AGBL1: variants seen among roughly 807,000 people sequenced by gnomAD.
The protein encoded by AGBL1 is cytosolic carboxypeptidase 4.
Under a neutral mutation model 118.9 loss-of-function variants are expected in AGBL1, and 130 were observed. The observed-to-expected ratio is 1.09, with a 90% confidence interval of 0.95 to 1.26. AGBL1 has a LOEUF of 1.26. Among genes scored for constraint, AGBL1 ranks in the 50% most tolerant of loss-of-function variants. The probability of loss-of-function intolerance (pLI) is 0.00; values close to 1 mark genes in which losing one functional copy is unlikely to be tolerated. For synonymous variants in AGBL1, 555 were observed against 478.9 expected (o/e 1.16, Z -2.08); for missense variants, 1,584 against 1,298.1 (o/e 1.22, Z -3.38).
At chr15:86,421,638 T>A (rs1478909968) in intron 18 of AGBL1, among the ~76,000 whole-genome samples, 3 of 152,132 alleles carry the variant, frequency 2.0e-5, no homozygotes, top group Non-Finnish European at 4.4e-5. Context: ...AATGCCCCAA[T>A]TAAAAGACAA....
intron 23 of AGBL1, among the ~76,000 whole-genome samples, chr15:86,951,502 G>A (rs1363823379): frequency 1.3e-5 from 2 of 152,194 alleles, no homozygotes; most frequent in African/African-American, 4.8e-5. Flanking sequence ...GTAACAAAGT[G>A]CAGCTGTACA....
downstream of AGBL1, among the ~76,000 whole-genome samples, chr15:86,920,801 A>C (rs780396247): frequency 2.0e-5 from 3 of 152,204 alleles, no homozygotes; most frequent in Admixed American, 6.5e-5. Context: ...CTCCAGGTTT[A>C]TGCCAGATTT....
chr15:86,219,454 A>G (rs1326830758), intron 5 of AGBL1, among the ~76,000 whole-genome samples: 1 of 152,144 alleles, frequency 6.6e-6, no homozygotes, highest in African/African-American at 2.4e-5. Flanking sequence ...TAGATCTTAT[A>G]CCCACTTTAT....
chr15:86,978,882 G>A (rs1413488311), intron 23 of AGBL1, among the ~76,000 whole-genome samples: 3 of 152,176 alleles, frequency 2.0e-5, no homozygotes, highest in African/African-American at 7.2e-5. Context: ...TCCAGTCAGG[G>A]GGAACCCATA....
chr15:86,865,838 C>G (rs183999706), intron 22 of AGBL1, among the ~76,000 whole-genome samples: 1 of 152,192 alleles, frequency 6.6e-6, no homozygotes, highest in Non-Finnish European at 1.5e-5. Flanking sequence ...TTCTCTGCAG[C>G]TTTGGGATGA....
At chr15:86,455,806 A>AT (rs1381821653) in intron 18 of AGBL1, among the ~76,000 whole-genome samples, 6 of 152,024 alleles carry the variant, frequency 3.9e-5, no homozygotes, top group African/African-American at 9.7e-5. Context: ...GAGTTCATGC[A>AT]TTTTTTCCCC....
chr15:86,773,145 C>A (rs1424313959), intron 22 of AGBL1, among the ~76,000 whole-genome samples: 3 of 152,000 alleles, frequency 2.0e-5, no homozygotes, highest in African/African-American at 7.2e-5. Context: ...TGAGTATATA[C>A]ATTGTGTTAG....
intron 22 of AGBL1, among the ~76,000 whole-genome samples, chr15:86,845,482 A>G (rs2079305461): frequency 6.6e-6 from 1 of 152,032 alleles, no homozygotes. Flanking sequence ...CCTTTTTTTA[A>G]TGCTTTGCCC....
chr15:86,441,505 C>T lies in AGBL1; in HGVS notation c.2555+43959C>T, dbSNP rs561476267. Among the ~76,000 whole-genome samples, 19 of 152,204 alleles carry T rather than the reference C, an allele frequency of 1.2e-4. No homozygotes were observed. The East Asian group carries it at 1.5e-3, about 12-fold the overall frequency. On this transcript the variant is annotated intron_variant, in intron 18 of 22. Coordinates refer to ENST00000614907, the MANE Select transcript of AGBL1 (RefSeq NM_001386094.1). ...AAATGACTTTGAGAACCATCGAAGA[C>T]GGTGTGAGAGTAGGGGTGCCAATGA...
rs576498318 is a variant in AGBL1, at chr15:86,976,225, T to C, written c.3222-11762T>C. On this transcript the variant is annotated intron_variant, in intron 23 of 24. Coordinates refer to the AGBL1 transcript ENST00000441037. ...GAAATTATAATTTATTCTAGTAATA[T>C]ATATGCTTATATATCTGTAGTATAT... 4.1e-3 allele frequency among the ~76,000 whole-genome samples: 613 copies of C among 150,482 alleles called. 10 individuals are homozygous for C. The highest frequency in any genetic ancestry group is 0.014 in the African/African-American group (579 of 41,270).
At chr15:86,899,480 A>C (rs1304360283) in intron 22 of AGBL1, among the ~76,000 whole-genome samples, 1 of 152,170 alleles carries the variant, frequency 6.6e-6, no homozygotes, top group Non-Finnish European at 1.5e-5. Flanking sequence ...ACGAACCCCC[A>C]TGACACAAGT....
intron 15 of AGBL1, among the ~76,000 whole-genome samples, chr15:86,273,168 C>T (rs976778052): frequency 6.6e-6 from 1 of 152,094 alleles, no homozygotes; most frequent in African/African-American, 2.4e-5. Flanking sequence ...GGATGCTCCT[C>T]TTGGAATTGG....
In AGBL1 at chr15:86,152,926, G is replaced by T. The variant is rs910188240; in HGVS notation, c.263-1504G>T. ...GTGAAGAAAATGCTCATCATCACTG[G>T]TCATCAGAGAAATGCAAATCAAAAC... On this transcript the variant is annotated intron_variant, in intron 3 of 22. Transcript: ENST00000614907. Among the ~76,000 whole-genome samples the T allele has an allele frequency of 2.6e-5, 4 of 152,192 alleles. 1 individual carries two copies. The highest frequency in any genetic ancestry group is 6.3e-3 in the Middle Eastern group (2 of 316).
intron 18 of AGBL1, among the ~76,000 whole-genome samples, chr15:86,420,919 G>T (rs1312232832): frequency 6.6e-6 from 1 of 152,112 alleles, no homozygotes. Context: ...AAAAAAGAAT[G>T]AAAAGGAGTG....
At chr15:86,530,190 C>T (rs1268623844) in intron 19 of AGBL1, among the ~76,000 whole-genome samples, 2 of 141,670 alleles carry the variant, frequency 1.4e-5, no homozygotes, top group Admixed American at 1.3e-4. Flanking sequence ...CAAGACCCAT[C>T]AGTGTGGTGT....
chr15:86,401,489 T>C (rs1183591833), intron 18 of AGBL1, among the ~76,000 whole-genome samples: 1 of 152,122 alleles, frequency 6.6e-6, no homozygotes, highest in African/African-American at 2.4e-5. Context: ...TGTTGTTGCA[T>C]TTGCTTTTGG....
At chr15:86,092,065 A>T (rs139100392) in intron 1 of AGBL1, among the ~76,000 whole-genome samples, 5 of 152,302 alleles carry the variant, frequency 3.3e-5, no homozygotes, top group Non-Finnish European at 7.4e-5. Context: ...GTTGTCCTTC[A>T]TCTATTCAAC....
rs777038401 is a variant in AGBL1 at position 86,295,392 on chromosome 15, G to A, written c.2358G>A (p.Glu786=). The stretch of plus-strand genomic sequence containing the variant: ...CCATGCCTGAGTCCAACAGTGATGA[G>A]CATCTAGAGCAGTTCCGTGAGTAAA... ...ITAMPESNSD[E]HLEQFRHRPY... The change falls in exon 17 of 23, where the codon GAG becomes GAA. Residue 786 remains glutamate (E), a synonymous_variant. Coordinates refer to ENST00000614907, the MANE Select transcript of AGBL1 (RefSeq NM_001386094.1). The A allele has an allele frequency of 6.3e-7, 1 of 1,581,960 alleles. No homozygotes were observed. Among genetic ancestry groups the A allele is most frequent in the Non-Finnish European group, 8.6e-7 (1 of 1,165,832 alleles).
chr15:86,368,572 G>C (rs1170558358), intron 17 of AGBL1, among the ~76,000 whole-genome samples: 1 of 152,122 alleles, frequency 6.6e-6, no homozygotes, highest in Non-Finnish European at 1.5e-5. Flanking sequence ...ATTCAAAAAA[G>C]TAAATGGGAT....
Sources: gnomAD v4.1 joint callset for allele counts (sites outside exome capture counted in the v4.1 genomes callset) on GRCh38, gnomAD v4.1.1 for gene constraint, MANE v1.5 for transcripts, NCBI Gene and HGNC (gene_info 2026-07-23, HGNC 2026-07-21) for gene names.